DLC1: variants seen among roughly 807,000 people sequenced by gnomAD.
DLC1 encodes the protein rho GTPase-activating protein 7.
A neutral mutation model predicts 140.3 loss-of-function variants in DLC1; 54 were observed. The ratio of observed to expected loss-of-function variants is 0.38; its 90% CI spans 0.31 to 0.48. The LOEUF (loss-of-function observed/expected upper bound fraction) is 0.48. DLC1 is among the 20% of genes least tolerant of loss of function. The pLI is 0.96. For synonymous variants in DLC1, 986 were observed against 728.1 expected, an observed-to-expected ratio of 1.35 and a Z score of -5.70; for missense variants, 2,536 against 1,907.0, an observed-to-expected ratio of 1.33 and a Z score of -6.14.
At chr8:13,248,706 T>C (rs561473008) in intron 5 of DLC1, among the ~76,000 whole-genome samples, 3 of 152,198 alleles carry the variant, frequency 2.0e-5, no homozygotes, top group Admixed American at 6.5e-5. Flanking sequence ...AAACGCATTC[T>C]GATCTCATCC....
intron 2 of DLC1, among the ~76,000 whole-genome samples, chr8:13,428,164 CA>C (rs1838683699): frequency 6.6e-6 from 1 of 152,026 alleles, no homozygotes; most frequent in African/African-American, 2.4e-5. Context: ...GATAAGGTGG[CA>C]AAAGAGAACA....
chr8:13,454,638 G>A (rs750075626), intron 2 of DLC1, among the ~76,000 whole-genome samples: 5 of 152,226 alleles, frequency 3.3e-5, no homozygotes, highest in Middle Eastern at 3.4e-3. Flanking sequence ...TTACTGCAAC[G>A]TCGACCTCTG....
At chr8:13,106,409 G>A (rs892425604) in intron 7 of DLC1, among the ~76,000 whole-genome samples, 1 of 152,164 alleles carries the variant, frequency 6.6e-6, no homozygotes, top group Non-Finnish European at 1.5e-5. Context: ...ATGCAATGGT[G>A]CTATCATGGC....
At chr8:13,421,974 G>C (rs1563333365) in intron 2 of DLC1, among the ~76,000 whole-genome samples, 1 of 152,078 alleles carries the variant, frequency 6.6e-6, no homozygotes, top group Non-Finnish European at 1.5e-5. Context: ...AATGGTCATA[G>C]TTACTAATAT....
chr8:13,359,707 A>T (rs974500344), intron 4 of DLC1, among the ~76,000 whole-genome samples: 1 of 152,222 alleles, frequency 6.6e-6, no homozygotes, highest in Admixed American at 6.5e-5. Flanking sequence ...AGTATACTTA[A>T]TTGCTTGTTA....
At chr8:13,577,634 T>C (rs1322475604) in intron 1 of DLC1, among the ~76,000 whole-genome samples, 1 of 152,212 alleles carries the variant, frequency 6.6e-6, no homozygotes, top group Non-Finnish European at 1.5e-5. Flanking sequence ...ACAAATACTT[T>C]TATGTTTTTG....
At chr8:13,109,860 G>A (rs568436856) in intron 7 of DLC1, among the ~76,000 whole-genome samples, 4 of 152,062 alleles carry the variant, frequency 2.6e-5, no homozygotes, top group African/African-American at 9.6e-5. Flanking sequence ...ACTCCAGCCT[G>A]GGCAACAAGA....
intron 7 of DLC1, among the ~76,000 whole-genome samples, chr8:13,105,735 G>C (rs923636337): frequency 4.8e-4 from 73 of 151,888 alleles, no homozygotes; most frequent in African/African-American, 1.7e-3. Flanking sequence ...CCGCCACCAG[G>C]CCCAGCTAAT....
chr8:13,413,934 G>C (rs1225810976), intron 2 of DLC1, among the ~76,000 whole-genome samples: 1 of 152,110 alleles, frequency 6.6e-6, no homozygotes, highest in Non-Finnish European at 1.5e-5. Flanking sequence ...ATGTGGAACT[G>C]GGAGAGGGGC....
chr8:13,171,554 C>T (rs535250503), intron 5 of DLC1, among the ~76,000 whole-genome samples: 1 of 152,206 alleles, frequency 6.6e-6, no homozygotes, highest in East Asian at 1.9e-4. Context: ...CCATGCCCCA[C>T]TAATTTTTTA....
At position 13,100,409 on chromosome 8, in the gene DLC1, G is replaced by C. The variant is rs1369708969; in HGVS notation, c.1928C>G (p.Pro643Arg). 3 of 1,614,056 alleles carry C rather than the reference G, an allele frequency of 1.9e-6. No homozygotes were observed. The highest frequency in any genetic ancestry group is 2.5e-6 in the Non-Finnish European group (3 of 1,180,054). ...NDDSFGSLPSPKELSSFSFSM... is the reference protein window; with the variant it reads ...NDDSFGSLPSRKELSSFSFSM... Reference sequence around the variant, plus strand: ...GAAGCTGAAGCTGGACAGTTCCTTGGGAGAGGGCAGGCTGCCGAAAGAGTC... The same window carrying C: ...GAAGCTGAAGCTGGACAGTTCCTTGCGAGAGGGCAGGCTGCCGAAAGAGTC... Residue 643 changes from proline to arginine, a missense_variant, in exon 9 of 18, where the codon CCC becomes CGC. Pro to Arg is a moderately radical substitution (Grantham distance 103). Coordinates refer to ENST00000276297, the MANE Select transcript of DLC1 (RefSeq NM_182643.3).
Position 13,411,561 on chromosome 8 carries a change from G to A in DLC1, c.1024-9942C>T, listed in dbSNP as rs78288335. Among the ~76,000 whole-genome samples, 728 of 152,250 alleles carry A rather than the reference G, an allele frequency of 4.8e-3. 11 individuals carry two copies. The highest frequency in any genetic ancestry group is 0.038 in the East Asian group (196 of 5,164). ...TATGAACTTTGAGTGATACTGACAT[G>A]TCATTGTAGAGTCATTGATTGTTAC... is the stretch of plus-strand genomic sequence containing the variant. On this transcript the variant is annotated intron_variant, in intron 2 of 17. Transcript: ENST00000276297.
chr8:13,188,065 C>T (rs1236122238), intron 5 of DLC1, among the ~76,000 whole-genome samples: 1 of 149,478 alleles, frequency 6.7e-6, no homozygotes, highest in African/African-American at 2.5e-5. Flanking sequence ...TAAGCAGGTC[C>T]ATACAACAGT....
chr8:13,275,904 G>A (rs910810500), intron 5 of DLC1, among the ~76,000 whole-genome samples: 2 of 152,106 alleles, frequency 1.3e-5, no homozygotes, highest in Non-Finnish European at 1.5e-5. Flanking sequence ...AGACAGCCCC[G>A]AGGATCTCAG....
intron 5 of DLC1, chr8:13,133,172 G>T (rs945578036): frequency 1.4e-6 from 2 of 1,436,546 alleles, no homozygotes; most frequent in Non-Finnish European, 1.8e-6. Context: ...AGATCGAAAC[G>T]AGGGAGCGCT....
At chr8:13,475,820 G>C (rs887034634) in intron 2 of DLC1, among the ~76,000 whole-genome samples, 1 of 152,196 alleles carries the variant, frequency 6.6e-6, no homozygotes, top group Non-Finnish European at 1.5e-5. Flanking sequence ...TGATGGGAAG[G>C]AGACTATGCA....
intron 2 of DLC1, among the ~76,000 whole-genome samples, chr8:13,421,153 C>T (rs1370656419): frequency 6.6e-6 from 1 of 152,076 alleles, no homozygotes; most frequent in African/African-American, 2.4e-5. Context: ...ATGACAGATC[C>T]AGAATACATG....
At chr8:13,415,736 A>G (rs289593) in intron 2 of DLC1, among the ~76,000 whole-genome samples, 151,557 of 152,312 alleles carry the variant, frequency 1, 75,407 homozygotes, top group Middle Eastern at 1. Context: ...CTTTTTTACC[A>G]TTAAGAGCCT....
chr8:13,586,088 G>A (rs544612719), intron 1 of DLC1, among the ~76,000 whole-genome samples: 4 of 152,218 alleles, frequency 2.6e-5, no homozygotes, highest in South Asian at 2.1e-4. Flanking sequence ...ATATACTGAT[G>A]ACCAGGCCCT....
Sources: gnomAD v4.1 joint callset for allele counts (sites outside exome capture counted in the v4.1 genomes callset) on GRCh38, gnomAD v4.1.1 for gene constraint, MANE v1.5 for transcripts, NCBI Gene and HGNC (gene_info 2026-07-23, HGNC 2026-07-21) for gene names.